The following PTK7 variants were observed in gnomAD, a reference collection of about 807,000 sequenced individuals.
PTK7 encodes the protein protein tyrosine kinase 7 (inactive), also known as inactive tyrosine-protein kinase 7.
A neutral mutation model predicts 116.6 loss-of-function variants in PTK7; 39 were observed. The observed-to-expected ratio is 0.33, with a 90% CI of 0.26 to 0.44. The LOEUF (loss-of-function observed/expected upper bound fraction) is 0.44, where lower values mean the gene tolerates loss of function less well. Ranked by LOEUF, PTK7 falls within the 20% of genes least tolerant of loss-of-function variation. PTK7 has a pLI of 1.00. For missense variants in PTK7, 1,169 were observed against 1,425.6 expected (o/e 0.82, Z 2.90); for synonymous variants, 546 against 563.6 (o/e 0.97, Z 0.44).
Position 43,129,953 on chromosome 6 carries a change from G to A in PTK7, c.470+124G>A, listed in dbSNP as rs1769555041. The A allele has an allele frequency of 9.9e-7, 1 of 1,009,612 alleles. No individual in the cohort carries two copies. Among genetic ancestry groups the A allele is most frequent in the Admixed American group, 2.1e-5 (1 of 48,558 alleles). 62.5% of individuals were successfully genotyped at this position (1,009,612 alleles called of 1,614,324 possible). On this transcript the variant is annotated intron_variant, in intron 3 of 19. Transcript: ENST00000230419. This position sits in a 1 kb window ranked among gnomAD's most constrained non-coding sequence, Gnocchi z 4.5. ...TGACCACTCGTTCCACCACCACAGT[G>A]CTCTTCACCCTGCCCTCCCCCAGAT...
chr6:43,105,160 T>C (rs1200917779), intron 1 of PTK7, among the ~76,000 whole-genome samples: 3 of 151,854 alleles, frequency 2.0e-5, no homozygotes, highest in Non-Finnish European at 4.4e-5. Flanking sequence ...TGGATGTCAT[T>C]TATCAAAAGC....
rs146555425 is a variant in PTK7 at position 43,160,793 on chromosome 6, G to A, written c.3125G>A (p.Arg1042His). The change falls in exon 20 of 20, where the codon CGC (arginine) becomes CAC (histidine). Residue 1042 changes from arginine (R) to histidine (H), a missense_variant. Around this residue, in one of 3 missense-constraint regions of PTK7, gnomAD observed 678 missense variants for 853.8 expected, o/e 0.79. Transcript: ENST00000230419. ...TCCAAACTCTATCGGCTGATGCAGCGCTGCTGGGCCCTCAGCCCCAAGGAC... is the reference window on the plus strand; with the variant it reads ...TCCAAACTCTATCGGCTGATGCAGCACTGCTGGGCCCTCAGCCCCAAGGAC... The part of the protein sequence containing the change: ...CPSKLYRLMQ[R>H]CWALSPKDRP... 51 of 1,614,052 alleles carry A rather than the reference G, an allele frequency of 3.2e-5. No individual in the cohort carries two copies. The highest frequency in any genetic ancestry group is 1.7e-4 in the African/African-American group (13 of 74,944).
chr6:43,116,980 C>T (rs769787750), intron 1 of PTK7, among the ~76,000 whole-genome samples: 41 of 151,940 alleles, frequency 2.7e-4, no homozygotes, highest in Non-Finnish European at 4.9e-4. Context: ...CCCGACAGTA[C>T]ACCTGGCTAA....
chr6:43,157,347 TATATATATATA>T lies in PTK7; in HGVS notation c.2722-1469_2722-1459del, dbSNP rs1246768305. Among the ~76,000 whole-genome samples, 93 of 14,532 alleles carry T rather than the reference TATATATATATA, an allele frequency of 6.4e-3. 6 individuals carry two copies. The highest frequency in any genetic ancestry group is 0.018 in the Admixed American group (18 of 990). The allele number at this position is 14,532 out of a possible 152,430, so 9.5% of individuals were successfully genotyped here. On this transcript the variant is annotated intron_variant, in intron 17 of 19. Transcript: ENST00000230419. ...CACGCTATATATATATATATATATA[TATATATATATA>T]TATATATTTTTTTTTTTCTTTTTTT... is the stretch of plus-strand genomic sequence containing the variant.
In PTK7 at chr6:43,076,849, G is replaced by T; in HGVS notation, c.79+282G>T. Reference sequence around the variant, plus strand: ...TCTGGTCTGAGCCGAGAGTTTGCTCGAGAACTGCCGAGAGTTGCTGGCTCT... The same window carrying T: ...TCTGGTCTGAGCCGAGAGTTTGCTCTAGAACTGCCGAGAGTTGCTGGCTCT... On this transcript the variant is annotated intron_variant, in intron 1 of 19. Coordinates refer to ENST00000230419, the MANE Select transcript of PTK7 (RefSeq NM_002821.5). The surrounding 1 kb of genome is among the most constrained non-coding windows in gnomAD (Gnocchi z 5.7). 1 of 1,453,674 alleles carries T rather than the reference G, an allele frequency of 6.9e-7. No homozygotes were observed. Among genetic ancestry groups the T allele is most frequent in the Non-Finnish European group, 9.1e-7 (1 of 1,099,782 alleles). The allele number at this position is 1,453,674 out of a possible 1,614,324, so 90.0% of individuals were successfully genotyped here. A position where few individuals can be genotyped will look rare whatever the true frequency, so the allele number is the denominator to read the frequency against.
chr6:43,092,071 C>T (rs929636497), intron 1 of PTK7, among the ~76,000 whole-genome samples: 3 of 152,188 alleles, frequency 2.0e-5, no homozygotes, highest in African/African-American at 7.2e-5. Flanking sequence ...CCATGTTGGT[C>T]AGGCTGGTCT....
At position 43,142,271 on chromosome 6, in the gene PTK7, G is replaced by A. The variant is rs762656500; in HGVS notation, c.2019G>A (p.Lys673=). Residue 673 remains lysine, a synonymous_variant, in exon 13 of 20, where the codon AAG becomes AAA. Transcript: ENST00000230419. ...TCIAGNSCNI[K]HTEAPLYVVD... is the part of the protein sequence containing the mutation. ...TTGCAGGCAACAGCTGCAACATCAA[G>A]CACACGGAGGCCCCCCTCTATGTCG... is the stretch of plus-strand genomic sequence containing the variant. The A allele has an allele frequency of 1.2e-6, 2 of 1,614,220 alleles. No homozygotes were observed. Among genetic ancestry groups the A allele is most frequent in the South Asian group, 2.2e-5 (2 of 91,090 alleles).
At chr6:43,099,457 A>G (rs1334343505) in intron 1 of PTK7, among the ~76,000 whole-genome samples, 1 of 151,626 alleles carries the variant, frequency 6.6e-6, no homozygotes, top group East Asian at 1.9e-4. Context: ...CTGGTCTCAA[A>G]CTCCTGAACT....
chr6:43,125,457 T>A (rs534184741), intron 1 of PTK7, among the ~76,000 whole-genome samples: 11 of 152,292 alleles, frequency 7.2e-5, no homozygotes, highest in African/African-American at 2.6e-4. Context: ...TCACGCTGTC[T>A]CTTCTCCCAG....
In PTK7 at chr6:43,076,791, C is replaced by T. The variant is rs1766041756; in HGVS notation, c.79+224C>T. On this transcript the variant is annotated intron_variant, in intron 1 of 19. Coordinates refer to ENST00000230419, the MANE Select transcript of PTK7 (RefSeq NM_002821.5). The surrounding 1 kb of genome is among the most constrained non-coding windows in gnomAD (Gnocchi z 5.7). ...GTCAGGGTACCCCTCCCACTCGCGCCGCGGGGACGCATTTCCAGCCTCCCT... is the reference window on the plus strand; with the variant it reads ...GTCAGGGTACCCCTCCCACTCGCGCTGCGGGGACGCATTTCCAGCCTCCCT... 1 of 1,407,230 alleles carries T rather than the reference C, an allele frequency of 7.1e-7. No individual in the cohort carries two copies. The highest frequency in any genetic ancestry group is 9.3e-7 in the Non-Finnish European group (1 of 1,080,586). 87.2% of individuals were successfully genotyped at this position (1,407,230 alleles called of 1,614,324 possible).
chr6:43,086,827 T>C (rs1305100247), intron 1 of PTK7, among the ~76,000 whole-genome samples: 1 of 152,000 alleles, frequency 6.6e-6, no homozygotes, highest in Non-Finnish European at 1.5e-5. Flanking sequence ...CCTGGGCACC[T>C]GAGCGAGACC....
At chr6:43,142,638 G>C in intron 13 of PTK7, 2 of 401,836 alleles carry the variant, frequency 5.0e-6, no homozygotes, top group Non-Finnish European at 9.5e-6. Flanking sequence ...AGTAGGACAA[G>C]GTTCTTTTCT....
At chr6:43,122,981 T>G (rs920289565) in intron 1 of PTK7, among the ~76,000 whole-genome samples, 6 of 152,068 alleles carry the variant, frequency 3.9e-5, no homozygotes, top group Non-Finnish European at 8.8e-5. Flanking sequence ...ACTTGGGGTG[T>G]GGGAGATCCT....
chr6:43,128,991 A>G lies in PTK7; in HGVS notation c.94A>G (p.Ile32Val), dbSNP rs1234887153. 6.2e-7 allele frequency: 1 copy of G among 1,609,276 alleles called. No individual in the cohort carries two copies. The highest frequency in any genetic ancestry group is 1.1e-5 in the South Asian group (1 of 90,656). The change falls in exon 2 of 20, where the codon ATT (isoleucine) becomes GTT (valine). Residue 32 changes from isoleucine (I) to valine (V), a missense_variant. Ile to Val is a conservative substitution (Grantham distance 29). This residue lies in a region of PTK7 where 487 missense variants were observed against 549.8 expected (regional missense o/e 0.89). Transcript: ENST00000230419. ...LPLLGGTQTA[I>V]VFIKQPSSQD... ...TGCATCTACAGGTACCCAGACAGCCATTGTCTTCATCAAGCAGCCGTCCTC... is the reference window on the plus strand; with the variant it reads ...TGCATCTACAGGTACCCAGACAGCCGTTGTCTTCATCAAGCAGCCGTCCTC...
At chr6:43,084,667 C>T (rs1766559006) in intron 1 of PTK7, among the ~76,000 whole-genome samples, 1 of 151,978 alleles carries the variant, frequency 6.6e-6, no homozygotes, top group Non-Finnish European at 1.5e-5. Context: ...AGGAAGAAGA[C>T]AAGATGGAGA....
At chr6:43,119,375 C>A (rs1465563464) in intron 1 of PTK7, among the ~76,000 whole-genome samples, 1 of 152,142 alleles carries the variant, frequency 6.6e-6, no homozygotes, top group African/African-American at 2.4e-5. Context: ...TACAACCAGT[C>A]CAAGGTAGTG....
At chr6:43,116,872 G>A (rs1440584255) in intron 1 of PTK7, among the ~76,000 whole-genome samples, 2 of 152,086 alleles carry the variant, frequency 1.3e-5, no homozygotes, top group African/African-American at 4.8e-5. Context: ...CGCCCAGGCT[G>A]GAGTGCAGTG....
rs1205651375 is a variant in PTK7 at position 43,128,985 on chromosome 6, A to G, written c.88A>G (p.Thr30Ala). The G allele has an allele frequency of 6.2e-7, 1 of 1,605,526 alleles. No individual in the cohort carries two copies. ...LLLPLLGGTQ[T>A]AIVFIKQPSS... ...CCTGTTTGCATCTACAGGTACCCAG[A>G]CAGCCATTGTCTTCATCAAGCAGCC... The change falls in exon 2 of 20, where the codon ACA becomes GCA. Residue 30 changes from threonine (T) to alanine (A), a missense_variant. Coordinates refer to ENST00000230419, the MANE Select transcript of PTK7 (RefSeq NM_002821.5).
At chr6:43,084,563 G>T (rs1410995369) in intron 1 of PTK7, among the ~76,000 whole-genome samples, 3 of 152,208 alleles carry the variant, frequency 2.0e-5, no homozygotes, top group African/African-American at 7.2e-5. Flanking sequence ...TTGAGAAAAA[G>T]GGTGATATTA....
Sources: gnomAD v4.1 joint callset for allele counts (sites outside exome capture counted in the v4.1 genomes callset) on GRCh38, gnomAD v4.1.1 for gene constraint, gnomAD v4.1.1 regional missense constraint, Gnocchi (gnomAD v3.1) non-coding constraint, MANE v1.5 for transcripts, NCBI Gene and HGNC (gene_info 2026-07-23, HGNC 2026-07-21) for gene names.